Variants in ZC3H14 observed in about 807,000 individuals in gnomAD.
The protein encoded by ZC3H14 is zinc finger CCCH-type containing 14, also known as zinc finger CCCH domain-containing protein 14.
A neutral mutation model predicts 92.4 loss-of-function variants in ZC3H14; 31 were observed. That is an observed-to-expected ratio of 0.34 (90% confidence interval 0.25 to 0.45). The LOEUF is 0.45. ZC3H14 is among the 20% of genes least tolerant of loss of function. ZC3H14 has a pLI of 1.00. For missense variants in ZC3H14, 781 were observed against 897.3 expected, an observed-to-expected ratio of 0.87 and a Z score of 1.66; for synonymous variants, 321 against 300.9, an observed-to-expected ratio of 1.07 and a Z score of -0.69.
chr14:88,578,291 A>G, intron 9 of ZC3H14, 151 bp downstream of exon 9: 3 of 1,241,670 alleles, frequency 2.4e-6, no homozygotes, highest in Non-Finnish European at 3.3e-6. Context: ...AGGAAGGTTC[A>G]TACCAACACT....
intron 9 of ZC3H14, among the ~76,000 whole-genome samples, chr14:88,595,731 A>G (rs2083727601): frequency 6.6e-6 from 1 of 152,248 alleles, no homozygotes; most frequent in Admixed American, 6.5e-5. Context: ...TTTTAATGAA[A>G]TGTGGTGCTT....
intron 9 of ZC3H14, among the ~76,000 whole-genome samples, chr14:88,584,142 C>G (rs1414881971): frequency 6.6e-6 from 1 of 152,160 alleles, no homozygotes; most frequent in African/African-American, 2.4e-5. Context: ...CTTTATATAT[C>G]TGGTTTCCCT....
rs760635998 is a variant in ZC3H14 at position 88,602,855 on chromosome 14, A to G, written c.1542A>G (p.Ala514=). 1.2e-6 allele frequency: 2 copies of G among 1,614,152 alleles called. No homozygotes were observed. The highest frequency in any genetic ancestry group is 1.7e-5 in the Admixed American group (1 of 60,018). ...TRDLVQPDKP[A]SPKFIVTLDG... is the part of the protein sequence containing the mutation. ...ATCTTGTACAACCAGATAAACCTGCAAGTCCCAAGTTTATAGTGACGCTGG... is the reference window on the plus strand; with the variant it reads ...ATCTTGTACAACCAGATAAACCTGCGAGTCCCAAGTTTATAGTGACGCTGG... Residue 514 remains alanine, a synonymous_variant, in exon 12 of 17, where the codon GCA becomes GCG. Coordinates refer to ENST00000251038, the MANE Select transcript of ZC3H14 (RefSeq NM_024824.5).
chr14:88,565,552 A>G (rs1278941455), intron 2 of ZC3H14, among the ~76,000 whole-genome samples: 1 of 152,254 alleles, frequency 6.6e-6, no homozygotes, highest in African/African-American at 2.4e-5. Flanking sequence ...TAACCAATGC[A>G]TAATATTACA....
At chr14:88,591,799 A>G (rs1220635753) in intron 9 of ZC3H14, 1 of 152,204 alleles carries the variant, frequency 6.6e-6, no homozygotes, top group African/African-American at 2.4e-5. Flanking sequence ...ATAAAGCAGG[A>G]ATTATACTAC....
chr14:88,583,082 T>TTC (rs2082097236), intron 9 of ZC3H14, among the ~76,000 whole-genome samples: 1 of 151,438 alleles, frequency 6.6e-6, no homozygotes, highest in South Asian at 2.1e-4. Flanking sequence ...TTTATTGATT[T>TTC]TTTTTTTTTT....
At position 88,623,544 on chromosome 14, in the gene ZC3H14, C is replaced by G. The variant is rs993896865; in HGVS notation, c.*11793C>G. ...CAAGCGATTCTTCTCCTTCAGCCTC[C>G]CAAGTAGCTGGGATTACAGGCACCA... On this transcript the variant is annotated 3_prime_UTR_variant, in exon 17 of 17. Transcript: ENST00000251038. The G allele has an allele frequency of 1.3e-5, 2 of 152,018 alleles. No individual in the cohort carries two copies. Among genetic ancestry groups the G allele is most frequent in the African/African-American group, 4.8e-5 (2 of 41,324 alleles). The allele number at this position is 152,018 out of a possible 1,614,324, so 9.4% of individuals were successfully genotyped here. A position where few individuals can be genotyped will look rare whatever the true frequency, so the allele number is the denominator to read the frequency against.
At chr14:88,585,311 T>C (rs902219236) in intron 9 of ZC3H14, among the ~76,000 whole-genome samples, 1 of 152,198 alleles carries the variant, frequency 6.6e-6, no homozygotes, top group Non-Finnish European at 1.5e-5. Context: ...ATTACTGTTA[T>C]TGTTGACAAC....
chr14:88,575,845 C>G lies in ZC3H14; in HGVS notation c.1028C>G (p.Ser343Cys). Residue 343 changes from serine (S) to cysteine (C), a missense_variant, in exon 8 of 17, where the codon TCT (serine) becomes TGT (cysteine). Physicochemically the swap from Ser to Cys is moderately radical, Grantham distance 112. Transcript: ENST00000251038. ...ACCTTTCTTAACTCTTTTAGACCTT[C>G]TCTTCCACCTTCTAAACAAGCTAAC... ...SVPAKPERRP[S>C]LPPSKQANKN... The G allele has an allele frequency of 1.2e-6, 2 of 1,613,012 alleles. No individual in the cohort carries two copies. Among genetic ancestry groups the G allele is most frequent in the Non-Finnish European group, 1.7e-6 (2 of 1,179,284 alleles).
intron 9 of ZC3H14, among the ~76,000 whole-genome samples, chr14:88,595,656 T>G (rs981505714): frequency 6.6e-6 from 1 of 152,226 alleles, no homozygotes; most frequent in Non-Finnish European, 1.5e-5. Context: ...ATATAACTTA[T>G]GTTTTAAAGG....
At chr14:88,601,716 C>T (rs758941973) in intron 10 of ZC3H14, among the ~76,000 whole-genome samples, 7 of 152,118 alleles carry the variant, frequency 4.6e-5, no homozygotes, top group African/African-American at 1.4e-4. Context: ...TCACTTGTGC[C>T]GTGCCCTACG....
chr14:88,595,136 T>C (rs1404305026), intron 9 of ZC3H14: 13 of 1,602,568 alleles, frequency 8.1e-6, no homozygotes, highest in African/African-American at 2.7e-5. Flanking sequence ...TATGATATGT[T>C]CTAGGTACCC....
intron 9 of ZC3H14, among the ~76,000 whole-genome samples, chr14:88,583,874 C>T (rs1486587265): frequency 6.6e-6 from 1 of 152,162 alleles, no homozygotes; most frequent in Non-Finnish European, 1.5e-5. Flanking sequence ...TTTTGTGCTG[C>T]TTGACTTACC....
chr14:88,564,575 A>T (rs2079319589), intron 2 of ZC3H14, among the ~76,000 whole-genome samples: 1 of 152,212 alleles, frequency 6.6e-6, no homozygotes, highest in Non-Finnish European at 1.5e-5. Flanking sequence ...TATTAATACT[A>T]AGATGGTATT....
At position 88,601,938 on chromosome 14, in the gene ZC3H14, G is replaced by C. The variant is rs140404944; in HGVS notation, c.1369G>C (p.Glu457Gln). 1 of 1,614,034 alleles carries C rather than the reference G, an allele frequency of 6.2e-7. No homozygotes were observed. The highest frequency in any genetic ancestry group is 1.3e-5 in the African/African-American group (1 of 75,034). Residue 457 changes from glutamate to glutamine, a missense_variant, in exon 11 of 17, where the codon GAA becomes CAA. Glu to Gln is a conservative substitution (Grantham distance 29). Around this residue, in one of 3 missense-constraint regions of ZC3H14, gnomAD observed 454 missense variants for 438.5 expected, o/e 1.04. Transcript: ENST00000251038. Reference protein sequence around the residue: ...LQMSQDYYDMESMVHADTRSF... With the variant: ...LQMSQDYYDMQSMVHADTRSF... ...TTTTGGCTCAGATTACTATGACATGGAATCCATGGTCCATGCAGACACAAG... is the reference window on the plus strand; with the variant it reads ...TTTTGGCTCAGATTACTATGACATGCAATCCATGGTCCATGCAGACACAAG...
rs558926642 is a variant in ZC3H14 at position 88,605,090 on chromosome 14, CTGAG to C, written c.1747+2032_1747+2035del. Reference sequence around the variant, plus strand: ...TTCTTTGTAAAGTATTATATTGTTCCTGAGTATCTAGCTACTTTGCTTTCCAGCT... The same window carrying C: ...TTCTTTGTAAAGTATTATATTGTTCCTATCTAGCTACTTTGCTTTCCAGCT... On this transcript the variant is annotated intron_variant, in intron 12 of 16. Coordinates refer to ENST00000251038, the MANE Select transcript of ZC3H14 (RefSeq NM_024824.5). 5.1e-3 allele frequency among the ~76,000 whole-genome samples: 778 copies of C among 152,242 alleles called. 8 individuals are homozygous for C. Among genetic ancestry groups the C allele is most frequent in the African/African-American group, 0.018 (747 of 41,524 alleles).
rs565481381 is a variant in ZC3H14, at chr14:88,588,262, C to A, written c.1280-8472C>A. Among the ~76,000 whole-genome samples, 4 of 152,288 alleles carry A rather than the reference C, an allele frequency of 2.6e-5. No individual in the cohort carries two copies. In the South Asian group the frequency reaches 8.3e-4, roughly 32 times the overall value. ...CCCGAGGCGCCCTCCTCCCCTGAGT[C>A]GGCTCTGCAATTCCTGAATTCCATT... On this transcript the variant is annotated intron_variant, in intron 9 of 16. Transcript: ENST00000251038.
chr14:88,590,355 G>A (rs6575012), intron 9 of ZC3H14: 57,309 of 152,896 alleles, frequency 0.37, 12,235 homozygotes, highest in Non-Finnish European at 0.48. Context: ...ACAGTGTTCT[G>A]CCTTCTCATC....
chr14:88,612,715 GAGATC>G lies in ZC3H14; in HGVS notation c.*974_*978del, dbSNP rs901817901. On this transcript the variant is annotated 3_prime_UTR_variant, in exon 17 of 17. Coordinates refer to ENST00000251038, the MANE Select transcript of ZC3H14 (RefSeq NM_024824.5). ...TTTAAATGACAGAACTATAATTACA[GAGATC>G]AGATCAGATAGGTAAACTGCAAGAT... The G allele has an allele frequency of 3.3e-5, 5 of 152,526 alleles. No individual in the cohort carries two copies. The highest frequency in any genetic ancestry group is 5.9e-5 in the Non-Finnish European group (4 of 68,024). 9.4% of individuals were successfully genotyped at this position (152,526 alleles called of 1,614,324 possible).
Sources: allele counts gnomAD v4.1 joint callset (sites outside exome capture counted in the v4.1 genomes callset), GRCh38; gene constraint gnomAD v4.1.1; regional missense constraint gnomAD v4.1.1; transcripts MANE v1.5; gene names NCBI Gene and HGNC (gene_info 2026-07-23, HGNC 2026-07-21).